Variants in AIM2 observed in about 807,000 individuals in gnomAD.
AIM2 encodes the protein interferon-inducible protein AIM2.
A neutral mutation model predicts 27.7 loss-of-function variants in AIM2; 30 were observed. That is an observed-to-expected ratio of 1.08 (90% CI 0.81 to 1.47). AIM2 has a LOEUF of 1.47. Among genes scored for constraint, AIM2 ranks in the 40% most tolerant of loss-of-function variants. The probability of loss-of-function intolerance (pLI) is 0.00; values close to 1 mark genes in which losing one functional copy is unlikely to be tolerated. For missense variants in AIM2, 358 were observed against 411.3 expected, an observed-to-expected ratio of 0.87 and a Z score of 1.12; for synonymous variants, 141 against 145.3, an observed-to-expected ratio of 0.97 and a Z score of 0.21.
At chr1:159,126,265 G>A (rs1033659650) in intron 1 of AIM2, among the ~76,000 whole-genome samples, 1 of 152,164 alleles carries the variant, frequency 6.6e-6, no homozygotes. Flanking sequence ...CCTGCACTGT[G>A]GCCACTGCTA....
At chr1:159,092,706 A>AGT (rs1379939691) in intron 1 of AIM2, among the ~76,000 whole-genome samples, 1 of 152,148 alleles carries the variant, frequency 6.6e-6, no homozygotes. Flanking sequence ...TGAGGTTACA[A>AGT]AGGTGTAAGT....
At chr1:159,094,978 T>G (rs1418417863) in intron 1 of AIM2, among the ~76,000 whole-genome samples, 3 of 152,178 alleles carry the variant, frequency 2.0e-5, no homozygotes, top group Non-Finnish European at 2.9e-5. Context: ...CATTTCTTTT[T>G]GTCTCTGTTA....
chr1:159,104,376 T>C (rs1010018612), intron 1 of AIM2, among the ~76,000 whole-genome samples: 1 of 152,236 alleles, frequency 6.6e-6, no homozygotes, highest in African/African-American at 2.4e-5. Flanking sequence ...AACTGAATTT[T>C]ATATTGTATT....
At chr1:159,115,218 T>A (rs917911237) in intron 1 of AIM2, among the ~76,000 whole-genome samples, 1 of 152,166 alleles carries the variant, frequency 6.6e-6, no homozygotes, top group African/African-American at 2.4e-5. Flanking sequence ...TCCATGCTCA[T>A]GGGTAGGAAG....
At chr1:159,087,555 C>CTTTATTCTG (rs1305242997) in intron 1 of AIM2, among the ~76,000 whole-genome samples, 1 of 147,100 alleles carries the variant, frequency 6.8e-6, no homozygotes, top group East Asian at 2.0e-4. Context: ...CAGGCTTTTT[C>CTTTATTCTG]TTTATTCTGG....
chr1:159,090,865 T>C (rs1209886613), intron 1 of AIM2, among the ~76,000 whole-genome samples: 1 of 152,224 alleles, frequency 6.6e-6, no homozygotes, highest in Non-Finnish European at 1.5e-5. Flanking sequence ...CTAAAGACTT[T>C]CCCTAAGCAA....
chr1:159,092,143 TA>T (rs1168031547), intron 1 of AIM2, among the ~76,000 whole-genome samples: 1 of 152,238 alleles, frequency 6.6e-6, no homozygotes, highest in East Asian at 1.9e-4. Flanking sequence ...AACAAATATA[TA>T]AACTCATTTA....
At chr1:159,115,931 C>T (rs1277137090) in intron 1 of AIM2, among the ~76,000 whole-genome samples, 3 of 152,202 alleles carry the variant, frequency 2.0e-5, no homozygotes, top group Non-Finnish European at 4.4e-5. Context: ...GCAATCTACT[C>T]ATCTGACAAA....
the AIM2 span, among the ~76,000 whole-genome samples, chr1:159,055,606 C>G: frequency 1.2e-4 from 18 of 152,234 alleles, no homozygotes; most frequent in Non-Finnish European, 2.4e-4. Context: ...CACGCACTTT[C>G]AAACCATATT....
At chr1:159,119,407 A>G (rs936266514) in intron 1 of AIM2, among the ~76,000 whole-genome samples, 1 of 151,970 alleles carries the variant, frequency 6.6e-6, no homozygotes, top group Non-Finnish European at 1.5e-5. Flanking sequence ...CTTTTTTTGA[A>G]TGTCATTTTG....
At chr1:159,083,858 T>C (rs1434330067) in intron 1 of AIM2, among the ~76,000 whole-genome samples, 1 of 152,234 alleles carries the variant, frequency 6.6e-6, no homozygotes, top group East Asian at 1.9e-4. Flanking sequence ...CATGTGGAAA[T>C]ACAAAAAGTG....
chr1:159,144,202 C>T (rs149722935), upstream of AIM2, among the ~76,000 whole-genome samples: 387 of 152,270 alleles, frequency 2.5e-3, 1 homozygote, highest in Non-Finnish European at 4.7e-3. Flanking sequence ...GACTGGATTG[C>T]TTCTTTCCCT....
chr1:159,064,438 AC>A (rs1655987572), intron 4 of AIM2, among the ~76,000 whole-genome samples: 1 of 152,136 alleles, frequency 6.6e-6, no homozygotes, highest in Admixed American at 6.5e-5. Flanking sequence ...AAAAAAGAAG[AC>A]CCTGGGTTGG....
At chr1:159,063,201 C>A (rs1252624588) in intron 5 of AIM2, among the ~76,000 whole-genome samples, 1 of 152,188 alleles carries the variant, frequency 6.6e-6, no homozygotes, top group Non-Finnish European at 1.5e-5. Flanking sequence ...CGACTCTGGG[C>A]AAGCTTTCTG....
In AIM2 at chr1:159,125,887, T is replaced by C. The variant is rs537300346; in HGVS notation, c.-16+14544A>G. The stretch of plus-strand genomic sequence containing the variant: ...AGTTACATCCAGATTTCCATGACCT[T>C]TGTGGACAAGAGATTAGAAAACATG... On this transcript the variant is annotated intron_variant, in intron 1 of 2. Transcript: ENST00000368129. Among the ~76,000 whole-genome samples, 8 of 152,158 alleles carry C rather than the reference T, an allele frequency of 5.3e-5. No homozygotes were observed. The South Asian group carries it at 1.7e-3, about 32-fold the overall frequency.
At chr1:159,065,793 A>AT (rs1162358461) in intron 4 of AIM2, 117 bp downstream of exon 4, 18 of 1,138,618 alleles carry the variant, frequency 1.6e-5, no homozygotes, top group African/African-American at 6.4e-5. Flanking sequence ...AGAACTTTGT[A>AT]TTTTTTTATT....
At chr1:159,072,890 T>C (rs1052512364) in intron 2 of AIM2, among the ~76,000 whole-genome samples, 5 of 152,244 alleles carry the variant, frequency 3.3e-5, no homozygotes, top group South Asian at 2.1e-4. Flanking sequence ...CAGCATTACA[T>C]ACTGTGTAAA....
intron 1 of AIM2, among the ~76,000 whole-genome samples, chr1:159,109,814 C>T (rs575517580): frequency 1.5e-4 from 23 of 152,246 alleles, no homozygotes; most frequent in South Asian, 1.5e-3. Context: ...AAATGCTCAG[C>T]ACCACTAATG....
the AIM2 span, among the ~76,000 whole-genome samples, chr1:159,056,186 T>C: frequency 6.6e-6 from 1 of 152,186 alleles, no homozygotes; most frequent in Non-Finnish European, 1.5e-5. Flanking sequence ...AAACGGTCCT[T>C]CTGCAAAGCC....
Sources: gnomAD v4.1 joint callset for allele counts (sites outside exome capture counted in the v4.1 genomes callset) on GRCh38, gnomAD v4.1.1 for gene constraint, MANE v1.5 for transcripts, NCBI Gene and HGNC (gene_info 2026-07-23, HGNC 2026-07-21) for gene names.